GAL: variants seen among roughly 807,000 people sequenced by gnomAD.
GAL encodes galanin and GMAP prepropeptide, also known as galanin peptides.
GAL carries 14 observed loss-of-function variants against 15.8 expected under a neutral mutation model. That is an observed-to-expected ratio of 0.89 (90% CI 0.59 to 1.39). GAL has a LOEUF of 1.39. GAL is among the 40% of genes most tolerant of loss of function. The pLI is 0.00. For synonymous variants in GAL, 79 were observed against 73.8 expected, an observed-to-expected ratio of 1.07 and a Z score of -0.36; for missense variants, 176 against 170.4, an observed-to-expected ratio of 1.03 and a Z score of -0.18.
intron 3 of GAL, among the ~76,000 whole-genome samples, chr11:68,686,792 A>G (rs1399171009): frequency 6.6e-6 from 1 of 152,136 alleles, no homozygotes; most frequent in East Asian, 1.9e-4. Flanking sequence ...GAGCTCTGCC[A>G]CTCAGAGGGC....
chr11:68,690,975 C>T lies in GAL; in HGVS notation c.360C>T (p.Ile120=), dbSNP rs368786133. ...CCGCCGCAGCCTCCTCAGAAGACAT[C>T]GAGCGGTCCTGAGAGCCTCCTGGGC... ...DLPAAASSED[I]ERS The change falls in exon 6 of 6, where the codon ATC becomes ATT. Residue 120 remains isoleucine (I), a synonymous_variant. Transcript: ENST00000265643. 63 of 1,611,092 alleles carry T rather than the reference C, an allele frequency of 3.9e-5. No individual in the cohort carries two copies. Among genetic ancestry groups the T allele is most frequent in the Non-Finnish European group, 4.9e-5 (58 of 1,177,464 alleles).
intron 3 of GAL, 62 bp from the exon 4 acceptor site, chr11:68,687,952 G>T: frequency 9.9e-7 from 1 of 1,013,536 alleles, no homozygotes; most frequent in Non-Finnish European, 1.6e-6. Flanking sequence ...TCCTTCTTTG[G>T]GTGTGGGGAG....
chr11:68,689,662 G>T (rs1945887592), intron 5 of GAL, among the ~76,000 whole-genome samples: 1 of 152,204 alleles, frequency 6.6e-6, no homozygotes, highest in African/African-American at 2.4e-5. Flanking sequence ...CTCCCAAAGT[G>T]CTGGGATTAC....
At chr11:68,685,050 C>T (rs1038198795) in intron 2 of GAL, 46 bp downstream of exon 2, 2 of 1,332,148 alleles carry the variant, frequency 1.5e-6, no homozygotes, top group South Asian at 1.2e-5. Flanking sequence ...ACATCAGAGC[C>T]GGCCGGGCGT....
chr11:68,685,843 C>T (rs1015277127), intron 3 of GAL, among the ~76,000 whole-genome samples, 195 bp downstream of exon 3: 2 of 152,200 alleles, frequency 1.3e-5, no homozygotes, highest in African/African-American at 2.4e-5. Context: ...CCGGCTCTGC[C>T]GCCCTGTCCC....
At chr11:68,689,094 AG>A (rs1362346745) in intron 5 of GAL, among the ~76,000 whole-genome samples, 168 bp downstream of exon 5, 1 of 152,046 alleles carries the variant, frequency 6.6e-6, no homozygotes, top group African/African-American at 2.4e-5. Flanking sequence ...GTAACACTAG[AG>A]CTAGCTCCAG....
At chr11:68,690,602 TTTTCA>T (rs1436507498) in intron 5 of GAL, among the ~76,000 whole-genome samples, 1 of 152,140 alleles carries the variant, frequency 6.6e-6, no homozygotes, top group Non-Finnish European at 1.5e-5. Flanking sequence ...AGATTTTTGT[TTTTCA>T]TTTGTTTTTA....
At chr11:68,685,987 A>G (rs1945849118) in intron 3 of GAL, among the ~76,000 whole-genome samples, 3 of 152,036 alleles carry the variant, frequency 2.0e-5, no homozygotes, top group Admixed American at 6.5e-5. Context: ...CGGCTTGCAG[A>G]GCACCCTAGG....
chr11:68,690,821 G>A (rs540866298), intron 5 of GAL, 96 bp from the exon 6 acceptor site: 3 of 808,968 alleles, frequency 3.7e-6, no homozygotes, highest in Non-Finnish European at 4.4e-6. Context: ...TACAGAGGAC[G>A]ACCACACGCC....
At chr11:68,685,719 C>T in intron 3 of GAL, 71 bp downstream of exon 3, 2 of 1,090,654 alleles carry the variant, frequency 1.8e-6, no homozygotes, top group Non-Finnish European at 2.8e-6. Flanking sequence ...CTGGCTCCTG[C>T]CCCTCCGCCT....
rs1402134762 is a variant in GAL, at chr11:68,688,016, G to T, written c.139G>T (p.Ala47Ser). 6.2e-7 allele frequency: 1 copy of T among 1,606,166 alleles called. No homozygotes were observed. Among genetic ancestry groups the T allele is most frequent in the Non-Finnish European group, 8.5e-7 (1 of 1,173,048 alleles). The change falls in exon 4 of 6, where the codon GCC becomes TCC. Residue 47 changes from alanine to serine, a missense_variant and splice_region_variant. Physicochemically the swap from Ala to Ser is moderately conservative, Grantham distance 99. Coordinates refer to ENST00000265643, the MANE Select transcript of GAL (RefSeq NM_015973.5). The part of the protein sequence containing the change: ...NSAGYLLGPH[A>S]VGNHRSFSDK... ...TTTCCTCTCTGATCTGCAAACAGAT[G>T]CCGTTGGCAACCACAGGTCATTCAG...
At chr11:68,685,287 C>G (rs1306588396) in intron 2 of GAL, among the ~76,000 whole-genome samples, 1 of 152,258 alleles carries the variant, frequency 6.6e-6, no homozygotes, top group African/African-American at 2.4e-5. Context: ...GAAGCTCGCC[C>G]GTTCCGCAGG....
Position 68,685,017 on chromosome 11 carries a change from C to A in GAL, c.81+13C>A. 1.1e-5 allele frequency: 17 copies of A among 1,561,128 alleles called. No homozygotes were observed. The highest frequency in any genetic ancestry group is 1.5e-5 in the Non-Finnish European group (17 of 1,144,364). ...GCTCTGGTCGCCGGTAAGTGCGGGGCGCGTCTCCTCCGAGCGAAGGGGACA... is the reference window on the plus strand; with the variant it reads ...GCTCTGGTCGCCGGTAAGTGCGGGGAGCGTCTCCTCCGAGCGAAGGGGACA... On this transcript the variant is annotated intron_variant, in intron 2 of 5. Transcript: ENST00000265643.
At chr11:68,689,872 A>G (rs553371625) in intron 5 of GAL, among the ~76,000 whole-genome samples, 1 of 152,352 alleles carries the variant, frequency 6.6e-6, no homozygotes, top group South Asian at 2.1e-4. Flanking sequence ...TCCGCACACT[A>G]CGCTTGGCAT....
intron 2 of GAL, 96 bp downstream of exon 2, chr11:68,685,100 G>A (rs1174728349): frequency 2.5e-6 from 2 of 809,208 alleles, no homozygotes; most frequent in Non-Finnish European, 4.1e-6. Flanking sequence ...CCCTGCCCGC[G>A]GGGATGGGGG....
rs761681847 is a variant in GAL at position 68,688,081 on chromosome 11, C to T, written c.204C>T (p.Pro68=). 25 of 1,610,618 alleles carry T rather than the reference C, an allele frequency of 1.6e-5. No individual in the cohort carries two copies. The South Asian group carries it at 1.6e-4, about 11-fold the overall frequency. The part of the protein sequence containing the change: ...NGLTSKRELR[P]EDDMKPGSFD... ...TCACCAGCAAGCGGGAGCTGCGGCC[C>T]GAAGATGACATGAAACCAGGTGAGA... Residue 68 remains proline (P), a synonymous_variant, in exon 4 of 6, where the codon CCC becomes CCT. Transcript: ENST00000265643.
At chr11:68,686,583 C>T (rs1272094006) in intron 3 of GAL, among the ~76,000 whole-genome samples, 5 of 152,220 alleles carry the variant, frequency 3.3e-5, no homozygotes, top group African/African-American at 1.2e-4. Context: ...TTATCGGGGT[C>T]ACTCAGAGGA....
chr11:68,688,185 G>A (rs1945872442), intron 4 of GAL, 85 bp downstream of exon 4: 1 of 849,004 alleles, frequency 1.2e-6, no homozygotes, highest in Non-Finnish European at 2.0e-6. Context: ...TGGGTGTCGG[G>A]GCTGTCCACA....
rs1022393878 is a variant in GAL, at chr11:68,690,900, G to A, written c.302-17G>A. The A allele has an allele frequency of 1.9e-6, 3 of 1,578,034 alleles. No individual in the cohort carries two copies. In the African/African-American group the frequency reaches 4.0e-5, roughly 21 times the overall value. On this transcript the variant is annotated splice_polypyrimidine_tract_variant and intron_variant, in intron 5 of 5. Transcript: ENST00000265643. ...TATTAAGAAGTTGCTGCTCAGATGT[G>A]GCTCTTCCCTTTGCAGAGGCCGGTG...
Sources: gnomAD v4.1 joint callset for allele counts (sites outside exome capture counted in the v4.1 genomes callset) on GRCh38, gnomAD v4.1.1 for gene constraint, MANE v1.5 for transcripts, NCBI Gene and HGNC (gene_info 2026-07-23, HGNC 2026-07-21) for gene names.